ADAMTS17: variants seen among roughly 807,000 people sequenced by gnomAD.
ADAMTS17 encodes ADAM metallopeptidase with thrombospondin type 1 motif 17.
Under a neutral mutation model 141.5 loss-of-function variants are expected in ADAMTS17, and 113 were observed. That is an observed-to-expected ratio of 0.80 (90% CI 0.69 to 0.93). The LOEUF (loss-of-function observed/expected upper bound fraction) is 0.93, where lower values mean the gene tolerates loss of function less well. ADAMTS17 is among the 40% of genes least tolerant of loss of function. The pLI is 0.00. For synonymous variants in ADAMTS17, 768 were observed against 630.6 expected (o/e 1.22, Z -3.27); for missense variants, 1,659 against 1,517.9 (o/e 1.09, Z -1.54).
intron 14 of ADAMTS17, among the ~76,000 whole-genome samples, chr15:100,104,038 G>A (rs2036277875): frequency 6.6e-6 from 1 of 152,188 alleles, no homozygotes; most frequent in Non-Finnish European, 1.5e-5. Context: ...TGGTACCAAG[G>A]AAGTAGGAAC....
intron 18 of ADAMTS17, among the ~76,000 whole-genome samples, chr15:100,012,186 T>C (rs1163560954): frequency 6.6e-6 from 1 of 152,250 alleles, no homozygotes; most frequent in Non-Finnish European, 1.5e-5. Context: ...GCCTTTTGTA[T>C]ATCTTCTTTT....
At chr15:100,050,400 C>T (rs548054582) in intron 17 of ADAMTS17, among the ~76,000 whole-genome samples, 7 of 152,246 alleles carry the variant, frequency 4.6e-5, no homozygotes, top group South Asian at 2.1e-4. Context: ...TCGGCACAAG[C>T]GGCAGCTAAG....
At chr15:100,126,365 G>A (rs2037735290) in intron 12 of ADAMTS17, 1 of 152,238 alleles carries the variant, frequency 6.6e-6, no homozygotes, top group Admixed American at 6.5e-5. Flanking sequence ...GTGCCACTGC[G>A]AAAGATCGAA....
At chr15:100,293,268 G>A (rs1049097626) in intron 3 of ADAMTS17, among the ~76,000 whole-genome samples, 1 of 152,180 alleles carries the variant, frequency 6.6e-6, no homozygotes, top group Admixed American at 6.5e-5. Flanking sequence ...CTGGCAGGAA[G>A]AGGTGAGGTG....
Position 100,133,199 on chromosome 15 carries a change from G to T in ADAMTS17, c.1575+15C>A, listed in dbSNP as rs1391973998. 4.4e-6 allele frequency: 7 copies of T among 1,573,288 alleles called. No individual in the cohort carries two copies. Among genetic ancestry groups the T allele is most frequent in the Non-Finnish European group, 3.5e-6 (4 of 1,157,372 alleles). The stretch of plus-strand genomic sequence containing the variant: ...TGGAGCTGCCTGTTGGGGGCAGTGG[G>T]AAGTCAGAGGTTACCTTGTCTGCCC... On this transcript the variant is annotated intron_variant, in intron 11 of 21. Transcript: ENST00000268070.
intron 8 of ADAMTS17, among the ~76,000 whole-genome samples, chr15:100,170,049 C>T (rs553215412): frequency 5.9e-5 from 9 of 152,024 alleles, no homozygotes; most frequent in Admixed American, 5.2e-4. Context: ...GACTTTCCCA[C>T]ATACACCCGA....
chr15:100,152,625 CAGA>C lies in ADAMTS17; in HGVS notation c.1457_1459del (p.Phe486del). 6.2e-7 allele frequency: 1 copy of C among 1,613,974 alleles called. No homozygotes were observed. Among genetic ancestry groups the C allele is most frequent in the Non-Finnish European group, 8.5e-7 (1 of 1,180,030 alleles). Reference sequence around the variant, plus strand: ...ACGGCTGCTTACCTCCATGTTTCTGCAGAAGGTGGCATTCATGCCAAACAGGAT... The same window carrying C: ...ACGGCTGCTTACCTCCATGTTTCTGCAGGTGGCATTCATGCCAAACAGGAT... On this transcript the variant is annotated inframe_deletion, in exon 10 of 22. Transcript: ENST00000268070.
chr15:100,035,292 CT>C (rs1222503076), intron 18 of ADAMTS17, among the ~76,000 whole-genome samples: 1 of 152,160 alleles, frequency 6.6e-6, no homozygotes, highest in East Asian at 1.9e-4. Context: ...CAAATGGTTT[CT>C]TAGAAAGGAA....
At chr15:100,247,741 C>A (rs745902741) in intron 7 of ADAMTS17, among the ~76,000 whole-genome samples, 1 of 152,166 alleles carries the variant, frequency 6.6e-6, no homozygotes, top group Non-Finnish European at 1.5e-5. Flanking sequence ...CAACACCGTC[C>A]ATTACCCACA....
intron 10 of ADAMTS17, among the ~76,000 whole-genome samples, chr15:100,143,132 T>A (rs1390961309): frequency 6.6e-6 from 1 of 152,172 alleles, no homozygotes; most frequent in Non-Finnish European, 1.5e-5. Context: ...GTGGTGGTGA[T>A]GGGGCAGATG....
At chr15:100,162,438 A>ATG (rs2039739830) in intron 8 of ADAMTS17, among the ~76,000 whole-genome samples, 1 of 137,260 alleles carries the variant, frequency 7.3e-6, no homozygotes, top group African/African-American at 2.8e-5. Flanking sequence ...AGTTATATAT[A>ATG]CACATATAGT....
chr15:100,134,260 G>C (rs963927831), intron 10 of ADAMTS17, among the ~76,000 whole-genome samples: 3 of 152,184 alleles, frequency 2.0e-5, no homozygotes, highest in Non-Finnish European at 4.4e-5. Flanking sequence ...CACTTACTCA[G>C]GATTGCACCT....
intron 6 of ADAMTS17, among the ~76,000 whole-genome samples, chr15:100,259,773 G>A (rs891050628): frequency 4.6e-5 from 7 of 152,196 alleles, no homozygotes; most frequent in Admixed American, 1.3e-4. Flanking sequence ...GGCAATCGAC[G>A]AACCATCCAC....
chr15:100,275,697 GGTATGAGAAGGCAGTAAGGTGGAAGCACT>G (rs1873042220), intron 4 of ADAMTS17, among the ~76,000 whole-genome samples: 1 of 152,042 alleles, frequency 6.6e-6, no homozygotes, highest in Admixed American at 6.5e-5. Flanking sequence ...AAATCCACCA[GGTATGAGAAGGCAGTAAGGTGGAAGCACT>G]TTGCCATCTG....
intron 3 of ADAMTS17, among the ~76,000 whole-genome samples, chr15:100,316,085 T>A (rs2045557580): frequency 6.6e-6 from 1 of 152,228 alleles, no homozygotes; most frequent in African/African-American, 2.4e-5. Flanking sequence ...TTTTTTTAAC[T>A]GACTACACAA....
chr15:100,007,752 G>A (rs2061065819), intron 18 of ADAMTS17, among the ~76,000 whole-genome samples: 2 of 152,148 alleles, frequency 1.3e-5, no homozygotes, highest in East Asian at 1.9e-4. Flanking sequence ...GCTACCGGGT[G>A]CAGTGTCAGG....
intron 12 of ADAMTS17, among the ~76,000 whole-genome samples, chr15:100,124,228 A>C (rs74631381): frequency 0.019 from 2,879 of 152,264 alleles, 97 homozygotes; most frequent in African/African-American, 0.064. Context: ...GGCCTCCCAA[A>C]GCGCTGGGAT....
At chr15:100,003,826 A>G (rs1315818015) in intron 18 of ADAMTS17, among the ~76,000 whole-genome samples, 1 of 152,094 alleles carries the variant, frequency 6.6e-6, no homozygotes, top group African/African-American at 2.4e-5. Context: ...TCAGATTTAT[A>G]GAGACAAAGT....
chr15:100,152,828 T>C (rs2039240934), intron 9 of ADAMTS17, 66 bp from the exon 10 acceptor site: 3 of 948,732 alleles, frequency 3.2e-6, no homozygotes, highest in South Asian at 4.3e-5. Flanking sequence ...TTTCTTTTTC[T>C]TTTTTTTTTT....
Sources: allele counts gnomAD v4.1 joint callset (sites outside exome capture counted in the v4.1 genomes callset), GRCh38; gene constraint gnomAD v4.1.1; transcripts MANE v1.5; gene names NCBI Gene and HGNC (gene_info 2026-07-23, HGNC 2026-07-21).